Variants in CENPW observed in about 807,000 individuals in gnomAD.
CENPW encodes cancer-up-regulated gene 2 protein.
A neutral mutation model predicts 11.1 loss-of-function variants in CENPW; 3 were observed. The ratio of observed to expected loss-of-function variants is 0.27; its 90% confidence interval spans 0.12 to 0.70. The LOEUF is 0.70. Ranked by LOEUF, CENPW falls within the 30% of genes least tolerant of loss-of-function variation. The pLI, the probability that CENPW is intolerant of heterozygous loss-of-function variation, is 0.77. For synonymous variants in CENPW, 38 were observed against 42.0 expected (o/e 0.91, Z 0.37); for missense variants, 100 against 105.6 (o/e 0.95, Z 0.23).
the CENPW span, among the ~76,000 whole-genome samples, chr6:126,478,995 T>C: frequency 6.6e-6 from 1 of 152,036 alleles, no homozygotes; most frequent in South Asian, 2.1e-4. Context: ...CCTACCAGAC[T>C]CCTCAGAGAG....
chr6:126,410,487 G>C, the CENPW span, among the ~76,000 whole-genome samples: 761 of 151,188 alleles, frequency 5.0e-3, 6 homozygotes, highest in African/African-American at 0.016. Context: ...TCTCTTTCTG[G>C]GTTGAATCTA....
At chr6:126,341,472 A>T (rs909987283) in intron 1 of CENPW, among the ~76,000 whole-genome samples, 3 of 152,150 alleles carry the variant, frequency 2.0e-5, no homozygotes, top group Non-Finnish European at 4.4e-5. Context: ...AAACTACTAT[A>T]GAATTATCGC....
At chr6:126,345,429 A>G (rs1042658215) in intron 1 of CENPW, among the ~76,000 whole-genome samples, 4 of 151,990 alleles carry the variant, frequency 2.6e-5, no homozygotes, top group African/African-American at 9.7e-5. Flanking sequence ...ACCCTTTTGT[A>G]AACTTTGTTG....
chr6:126,476,752 T>A, the CENPW span, among the ~76,000 whole-genome samples: 3 of 151,968 alleles, frequency 2.0e-5, no homozygotes, highest in Admixed American at 6.6e-5. Flanking sequence ...AATTAGATAA[T>A]CGTTTCCCAT....
chr6:126,344,782 A>G (rs1780376771), intron 1 of CENPW, among the ~76,000 whole-genome samples: 2 of 152,224 alleles, frequency 1.3e-5, no homozygotes, highest in Non-Finnish European at 2.9e-5. Context: ...ATAACAATCT[A>G]TTAAAGATTT....
chr6:126,412,183 T>C, the CENPW span, among the ~76,000 whole-genome samples: 25 of 151,032 alleles, frequency 1.7e-4, 1 homozygote, highest in Non-Finnish European at 3.0e-4. Context: ...AGGTAGAGTT[T>C]AATCTTGTTG....
At chr6:126,456,937 T>A in the CENPW span, among the ~76,000 whole-genome samples, 1 of 151,588 alleles carries the variant, frequency 6.6e-6, no homozygotes, top group African/African-American at 2.4e-5. Flanking sequence ...TACAGGCACA[T>A]GAAAACATGC....
chr6:126,394,798 T>G, the CENPW span, among the ~76,000 whole-genome samples: 5 of 152,010 alleles, frequency 3.3e-5, no homozygotes, highest in Non-Finnish European at 7.4e-5. Context: ...ATTTTTCTTT[T>G]TTTCTTTCTT....
chr6:126,448,060 G>A, the CENPW span, among the ~76,000 whole-genome samples: 1 of 151,218 alleles, frequency 6.6e-6, no homozygotes, highest in Non-Finnish European at 1.5e-5. Context: ...ATTATCAGCA[G>A]AGTATGTTAA....
chr6:126,432,439 C>A, the CENPW span, among the ~76,000 whole-genome samples: 1 of 152,146 alleles, frequency 6.6e-6, no homozygotes, highest in Non-Finnish European at 1.5e-5. Context: ...GGGGTATATA[C>A]CAAAGAATTG....
the CENPW span, among the ~76,000 whole-genome samples, chr6:126,366,414 T>TCC: frequency 2.0e-5 from 3 of 152,184 alleles, no homozygotes; most frequent in African/African-American, 7.2e-5. Flanking sequence ...TTTAAAATTG[T>TCC]CATCTAATAT....
chr6:126,366,939 T>C, the CENPW span, among the ~76,000 whole-genome samples: 37 of 152,238 alleles, frequency 2.4e-4, no homozygotes, highest in Non-Finnish European at 3.8e-4. Context: ...CCTAAAGCCC[T>C]TTGATAATTG....
the CENPW span, among the ~76,000 whole-genome samples, chr6:126,430,021 G>A: frequency 2.6e-5 from 4 of 152,188 alleles, no homozygotes; most frequent in African/African-American, 9.7e-5. Context: ...CAGACTCCAA[G>A]GTTGGCTCAA....
the CENPW span, among the ~76,000 whole-genome samples, chr6:126,462,180 AG>A: frequency 6.6e-6 from 1 of 151,928 alleles, no homozygotes; most frequent in Non-Finnish European, 1.5e-5. Context: ...TATGTATTTA[AG>A]GTGTGCAACA....
At chr6:126,439,415 G>A in the CENPW span, among the ~76,000 whole-genome samples, 1 of 151,554 alleles carries the variant, frequency 6.6e-6, no homozygotes, top group Admixed American at 6.6e-5. Flanking sequence ...CTCTGACATT[G>A]GACTGATAAC....
chr6:126,366,947 T>C, the CENPW span, among the ~76,000 whole-genome samples: 1 of 152,088 alleles, frequency 6.6e-6, no homozygotes, highest in African/African-American at 2.4e-5. Flanking sequence ...CCTTTGATAA[T>C]TGCCATTAAT....
the CENPW span, among the ~76,000 whole-genome samples, chr6:126,366,159 A>C: frequency 6.6e-6 from 1 of 152,180 alleles, no homozygotes; most frequent in South Asian, 2.1e-4. Flanking sequence ...ACTCTAATAT[A>C]TGTATAGTAT....
chr6:126,460,027 A>C, the CENPW span, among the ~76,000 whole-genome samples: 1 of 151,564 alleles, frequency 6.6e-6, no homozygotes, highest in African/African-American at 2.4e-5. Flanking sequence ...TTAATAAGCA[A>C]AGATGCAGGA....
the CENPW span, among the ~76,000 whole-genome samples, chr6:126,446,813 C>T: frequency 3.3e-5 from 5 of 150,904 alleles, no homozygotes; most frequent in Non-Finnish European, 7.4e-5. Flanking sequence ...TTCAATAGTA[C>T]GTCATTTGGT....
Sources: gnomAD v4.1 joint callset for allele counts (sites outside exome capture counted in the v4.1 genomes callset) on GRCh38, gnomAD v4.1.1 for gene constraint, MANE v1.5 for transcripts, NCBI Gene and HGNC (gene_info 2026-07-23, HGNC 2026-07-21) for gene names.